Variants in WNK1 observed in about 807,000 individuals in gnomAD.
WNK1 encodes serine/threonine-protein kinase WNK1.
In WNK1, 38 loss-of-function variants were observed where a neutral mutation model predicts 222.8. That is an observed-to-expected ratio of 0.17 (90% CI 0.13 to 0.22). The LOEUF (loss-of-function observed/expected upper bound fraction) is 0.22, where lower values mean the gene tolerates loss of function less well. Ranked by LOEUF, WNK1 falls within the 10% of genes least tolerant of loss-of-function variation. WNK1 has a pLI of 1.00. For missense variants in WNK1, 2,348 were observed against 2,918.4 expected, an observed-to-expected ratio of 0.80 and a Z score of 4.50; for synonymous variants, 1,090 against 1,092.9, an observed-to-expected ratio of 1.00 and a Z score of 0.05.
chr12:875,088 A>G (rs1952488308), intron 9 of WNK1, among the ~76,000 whole-genome samples: 2 of 152,234 alleles, frequency 1.3e-5, no homozygotes, highest in South Asian at 2.1e-4. Flanking sequence ...AATAGGGTAC[A>G]AAAACAAATG....
intron 1 of WNK1, among the ~76,000 whole-genome samples, chr12:792,605 C>T (rs758306759): frequency 2.6e-5 from 4 of 152,030 alleles, no homozygotes; most frequent in Non-Finnish European, 4.4e-5. Context: ...TGAGTCACCA[C>T]GCCCGGCTGA....
At chr12:804,745 T>G (rs2153997918) in intron 1 of WNK1, among the ~76,000 whole-genome samples, 1 of 152,146 alleles carries the variant, frequency 6.6e-6, no homozygotes, top group Middle Eastern at 3.4e-3. Flanking sequence ...GCAACCTTTT[T>G]TCTACTTTCT....
intron 9 of WNK1, among the ~76,000 whole-genome samples, chr12:876,024 A>G (rs1477321744): frequency 6.6e-6 from 1 of 152,190 alleles, no homozygotes; most frequent in East Asian, 1.9e-4. Flanking sequence ...CACCTTTAGA[A>G]TTGGCTACAT....
intron 1 of WNK1, among the ~76,000 whole-genome samples, chr12:799,160 G>C (rs1229453385): frequency 6.6e-6 from 1 of 152,030 alleles, no homozygotes; most frequent in African/African-American, 2.4e-5. Context: ...GTCTTGCTCT[G>C]TTGCCCAGGC....
At chr12:869,495 T>A (rs1470814404) in intron 8 of WNK1, among the ~76,000 whole-genome samples, 1 of 152,104 alleles carries the variant, frequency 6.6e-6, no homozygotes, top group Non-Finnish European at 1.5e-5. Flanking sequence ...AACAAGTTTT[T>A]AAAAAATAGG....
intron 26 of WNK1, among the ~76,000 whole-genome samples, chr12:901,249 G>C (rs927386261): frequency 6.6e-6 from 1 of 152,166 alleles, no homozygotes; most frequent in Non-Finnish European, 1.5e-5. Flanking sequence ...ATAGGTACTG[G>C]CTTATGTGCC....
chr12:758,740 CAG>C (rs1348980440), intron 1 of WNK1, among the ~76,000 whole-genome samples: 1 of 147,050 alleles, frequency 6.8e-6, no homozygotes, highest in Non-Finnish European at 1.5e-5. Flanking sequence ...CTTTCCGTCT[CAG>C]GGAATAGTTT....
chr12:789,791 A>G (rs900521645), intron 1 of WNK1, among the ~76,000 whole-genome samples: 1 of 152,150 alleles, frequency 6.6e-6, no homozygotes, highest in African/African-American at 2.4e-5. Flanking sequence ...TATGTCATCA[A>G]ATGTCTCTCT....
At chr12:841,838 T>C (rs939181516) in intron 4 of WNK1, among the ~76,000 whole-genome samples, 4 of 152,186 alleles carry the variant, frequency 2.6e-5, no homozygotes, top group African/African-American at 9.7e-5. Context: ...CAGTAATCCA[T>C]TTCACGGTTC....
chr12:776,412 T>TTGTGTGTGTGTGTGTGTGTGTGTG (rs59148357), intron 1 of WNK1, among the ~76,000 whole-genome samples: 5 of 146,112 alleles, frequency 3.4e-5, no homozygotes, highest in African/African-American at 7.6e-5. Flanking sequence ...GTTTGTGTGT[T>TTGTGTGTGTGTGTGTGTGTGTGTG]TGTGTGTGTG....
intron 10 of WNK1, 81 bp downstream of exon 10, chr12:878,442 C>A: frequency 6.8e-7 from 1 of 1,462,296 alleles, no homozygotes; most frequent in Non-Finnish European, 9.4e-7. Flanking sequence ...GTAACTTGTC[C>A]TTTCATGTGG....
chr12:755,495 TAAG>T (rs1939868274), intron 1 of WNK1, among the ~76,000 whole-genome samples: 2 of 152,200 alleles, frequency 1.3e-5, no homozygotes, highest in African/African-American at 2.4e-5. Flanking sequence ...ACTTAAAAAC[TAAG>T]AAGTTCTTTA....
chr12:816,494 G>A (rs563931952), intron 2 of WNK1, among the ~76,000 whole-genome samples: 2 of 151,630 alleles, frequency 1.3e-5, no homozygotes, highest in East Asian at 1.9e-4. Flanking sequence ...TGCCCAGGCT[G>A]CTCTCAAACT....
At chr12:841,374 T>C (rs1306153394) in intron 4 of WNK1, among the ~76,000 whole-genome samples, 6 of 152,248 alleles carry the variant, frequency 3.9e-5, no homozygotes, top group Admixed American at 3.9e-4. Flanking sequence ...AGTGGCATTT[T>C]GTGTCTGGCT....
In WNK1 at chr12:752,783, G is replaced by C. The variant is rs1324195542; in HGVS notation, c.-783G>C. 6.6e-6 allele frequency: 1 copy of C among 152,284 alleles called. No homozygotes were observed. The highest frequency in any genetic ancestry group is 2.4e-5 in the African/African-American group (1 of 41,430). The allele number at this position is 152,284 out of a possible 1,614,324, so 9.4% of individuals were successfully genotyped here. A position where few individuals can be genotyped will look rare whatever the true frequency, so the allele number is the denominator to read the frequency against. ...GCGGAGCTCGGGCCCCGCGGTGAGCGGCCCTCCCCTCCCCGCCGTTCCCTC... is the reference window on the plus strand; with the variant it reads ...GCGGAGCTCGGGCCCCGCGGTGAGCCGCCCTCCCCTCCCCGCCGTTCCCTC... On this transcript the variant is annotated 5_prime_UTR_variant, in exon 1 of 28. Coordinates refer to ENST00000315939, the MANE Select transcript of WNK1 (RefSeq NM_018979.4).
intron 5 of WNK1, 102 bp downstream of exon 5, chr12:857,351 T>G: frequency 9.1e-7 from 1 of 1,104,322 alleles, no homozygotes; most frequent in Non-Finnish European, 1.4e-6. Context: ...TATTTGTGAT[T>G]GGTTTCTCTA....
intron 1 of WNK1, among the ~76,000 whole-genome samples, chr12:754,655 C>A (rs991641309): frequency 2.6e-5 from 4 of 152,162 alleles, no homozygotes; most frequent in African/African-American, 9.7e-5. Flanking sequence ...GCTTCTTCTT[C>A]TGTGCATTTC....
At chr12:832,841 G>T (rs187804962) in intron 4 of WNK1, among the ~76,000 whole-genome samples, 1 of 152,168 alleles carries the variant, frequency 6.6e-6, no homozygotes, top group African/African-American at 2.4e-5. Context: ...GGGGGCAGGA[G>T]AAATTTTTTT....
At chr12:763,871 TGA>T (rs990891419) in intron 1 of WNK1, among the ~76,000 whole-genome samples, 2 of 147,684 alleles carry the variant, frequency 1.4e-5, no homozygotes, top group Admixed American at 6.7e-5. Flanking sequence ...TGCTGTCAAC[TGA>T]GAGAGAAAAA....
Sources: gnomAD v4.1 joint callset for allele counts (sites outside exome capture counted in the v4.1 genomes callset) on GRCh38, gnomAD v4.1.1 for gene constraint, MANE v1.5 for transcripts, NCBI Gene and HGNC (gene_info 2026-07-23, HGNC 2026-07-21) for gene names.